Variants in CUX1 observed in about 807,000 individuals in gnomAD.
The protein encoded by CUX1 is cut like homeobox 1.
In CUX1, 31 loss-of-function variants were observed where a neutral mutation model predicts 158.8. The ratio of observed to expected loss-of-function variants is 0.20; its 90% CI spans 0.15 to 0.26. The LOEUF (loss-of-function observed/expected upper bound fraction) is 0.26. CUX1 is among the 10% of genes least tolerant of loss of function. The pLI is 1.00. For synonymous variants in CUX1, 879 were observed against 862.1 expected, an observed-to-expected ratio of 1.02 and a Z score of -0.34; for missense variants, 1,589 against 2,014.6, an observed-to-expected ratio of 0.79 and a Z score of 4.04.
In CUX1 at chr7:102,249,231, C is replaced by G; in HGVS notation, c.*189C>G. 9.2e-7 allele frequency: 1 copy of G among 1,092,760 alleles called. No individual in the cohort carries two copies. Among genetic ancestry groups the G allele is most frequent in the Non-Finnish European group, 1.1e-6 (1 of 898,104 alleles). The allele number at this position is 1,092,760 out of a possible 1,614,324, so 67.7% of individuals were successfully genotyped here. ...GCCTGCACCGACCCGAGGCCCAGAT[C>G]CAAGGCCGCGGCCCAGACCCACTCT... On this transcript the variant is annotated 3_prime_UTR_variant, in exon 24 of 24. Coordinates refer to ENST00000292535, the MANE Select transcript of CUX1 (RefSeq NM_181552.4).
intron 3 of CUX1, among the ~76,000 whole-genome samples, chr7:102,042,809 A>G (rs1822274243): frequency 6.6e-6 from 1 of 152,112 alleles, no homozygotes; most frequent in African/African-American, 2.4e-5. Context: ...TTATTTTTTG[A>G]GACAGGATCT....
intron 6 of CUX1, among the ~76,000 whole-genome samples, chr7:102,109,783 C>CA (rs574010132): frequency 0.012 from 1,479 of 121,304 alleles, 27 homozygotes; most frequent in African/African-American, 0.038. Flanking sequence ...ACCCTGTCTC[C>CA]AAAAAAAAAA....
intron 1 of CUX1, among the ~76,000 whole-genome samples, chr7:101,865,005 C>CT (rs774436894): frequency 6.6e-6 from 1 of 152,116 alleles, no homozygotes. Flanking sequence ...TGATGTATAT[C>CT]TTTTTTTTAA....
chr7:102,225,808 G>A (rs1798289349), intron 20 of CUX1, among the ~76,000 whole-genome samples: 3 of 152,248 alleles, frequency 2.0e-5, no homozygotes, highest in Admixed American at 1.3e-4. Flanking sequence ...GGGCAACCTA[G>A]CAAGACCCCA....
chr7:101,899,233 C>T (rs1460157239), intron 1 of CUX1, among the ~76,000 whole-genome samples: 3 of 152,192 alleles, frequency 2.0e-5, no homozygotes, highest in African/African-American at 7.2e-5. Context: ...TCACAATCCC[C>T]TCCCTGCCAG....
chr7:102,129,554 G>A (rs1832999295), intron 8 of CUX1, among the ~76,000 whole-genome samples: 7 of 151,958 alleles, frequency 4.6e-5, no homozygotes. Flanking sequence ...CGTGGTAGTG[G>A]GTGCCTGTAA....
intron 20 of CUX1, among the ~76,000 whole-genome samples, chr7:102,207,203 G>A (rs1268905780): frequency 1.3e-5 from 2 of 152,176 alleles, no homozygotes; most frequent in Non-Finnish European, 2.9e-5. Flanking sequence ...ATTGGAAGCA[G>A]GAGAGAGAAA....
At position 101,939,285 on chromosome 7, in the gene CUX1, C is replaced by T. The variant is rs1447864965; in HGVS notation, c.141+23060C>T. ...TGCAGTCTTCGAGTCTGGCTTCTTTCACTTAGCGCAGTGGATTTGCAGTTC... is the reference window on the plus strand; with the variant it reads ...TGCAGTCTTCGAGTCTGGCTTCTTTTACTTAGCGCAGTGGATTTGCAGTTC... On this transcript the variant is annotated intron_variant, in intron 2 of 23. Coordinates refer to ENST00000292535, the MANE Select transcript of CUX1 (RefSeq NM_181552.4). Among the ~76,000 whole-genome samples, 36 of 151,670 alleles carry T rather than the reference C, an allele frequency of 2.4e-4. 1 individual carries two copies. Among genetic ancestry groups the T allele is most frequent in the Admixed American group, 2.4e-3 (36 of 15,194 alleles).
intron 2 of CUX1, among the ~76,000 whole-genome samples, chr7:101,924,705 A>G (rs1805373194): frequency 6.6e-6 from 1 of 151,644 alleles, no homozygotes; most frequent in African/African-American, 2.4e-5. Flanking sequence ...AGCTGGGACT[A>G]CAGGCGTGCA....
Position 101,916,084 on chromosome 7 carries a change from T to C in CUX1, c.31-31T>C, listed in dbSNP as rs767411466. 5 of 1,492,904 alleles carry C rather than the reference T, an allele frequency of 3.3e-6. No homozygotes were observed. The highest frequency in any genetic ancestry group is 4.7e-6 in the Non-Finnish European group (5 of 1,070,228). The allele number at this position is 1,492,904 out of a possible 1,614,324, so 92.5% of individuals were successfully genotyped here. ...CCTCTAGTACACAGTGCAATTACAA[T>C]CTCACTTTTCCTTTCCTGTTTCCCC... is the stretch of plus-strand genomic sequence containing the variant. On this transcript the variant is annotated intron_variant, in intron 1 of 23. Transcript: ENST00000292535. This position sits in a 1 kb window ranked among gnomAD's most constrained non-coding sequence, Gnocchi z 4.4.
At chr7:101,960,713 A>G (rs1198127543) in intron 2 of CUX1, 1 of 152,242 alleles carries the variant, frequency 6.6e-6, no homozygotes, top group Non-Finnish European at 1.5e-5. Context: ...GGTCATGCAA[A>G]GATAATTCAG....
At chr7:102,106,147 T>TCGCA (rs1830331366) in intron 6 of CUX1, among the ~76,000 whole-genome samples, 1 of 139,258 alleles carries the variant, frequency 7.2e-6, no homozygotes, top group Non-Finnish European at 1.5e-5. Context: ...GAGTGCAGTG[T>TCGCA]CGCAATCTTG....
At chr7:102,132,951 G>A (rs1464126146) in intron 8 of CUX1, among the ~76,000 whole-genome samples, 2 of 152,048 alleles carry the variant, frequency 1.3e-5, no homozygotes, top group Admixed American at 6.6e-5. Flanking sequence ...GATTACAGGC[G>A]TGAGCCACCG....
intron 2 of CUX1, among the ~76,000 whole-genome samples, chr7:101,920,271 G>A (rs995388310): frequency 1.3e-5 from 2 of 151,888 alleles, no homozygotes; most frequent in African/African-American, 2.4e-5. Flanking sequence ...ACAGGCATGC[G>A]CCACCACACC....
downstream of CUX1, among the ~76,000 whole-genome samples, chr7:102,258,979 C>T (rs901914774): frequency 2.6e-5 from 4 of 152,178 alleles, no homozygotes; most frequent in African/African-American, 4.8e-5. Flanking sequence ...GGCTGTTGCT[C>T]GTCTTGGGTT....
intron 9 of CUX1, among the ~76,000 whole-genome samples, chr7:102,163,245 A>T (rs982854132): frequency 1.3e-5 from 2 of 152,030 alleles, no homozygotes; most frequent in Admixed American, 6.6e-5. Context: ...CGGCAGTTGG[A>T]GAGGCCGAGG....
upstream of CUX1, chr7:101,817,486 TC>T: frequency 9.1e-7 from 1 of 1,102,092 alleles, no homozygotes; most frequent in Non-Finnish European, 1.1e-6. The surrounding 1 kb of genome is among the most constrained non-coding windows in gnomAD (Gnocchi z 4.1). Flanking sequence ...GTGCCGGGGC[TC>T]CCCGGCCCGC....
At chr7:102,127,308 G>C (rs782221227) in intron 8 of CUX1, among the ~76,000 whole-genome samples, 1 of 152,174 alleles carries the variant, frequency 6.6e-6, no homozygotes, top group Non-Finnish European at 1.5e-5. Context: ...CTGGGCTTGA[G>C]CGATCCTCCC....
At chr7:102,050,239 C>G (rs1823323344) in intron 3 of CUX1, among the ~76,000 whole-genome samples, 1 of 152,200 alleles carries the variant, frequency 6.6e-6, no homozygotes, top group Non-Finnish European at 1.5e-5. Context: ...ATCCATATAA[C>G]AGGAAATCTC....
Sources: gnomAD v4.1 joint callset for allele counts (sites outside exome capture counted in the v4.1 genomes callset) on GRCh38, gnomAD v4.1.1 for gene constraint, Gnocchi (gnomAD v3.1) non-coding constraint, MANE v1.5 for transcripts, NCBI Gene and HGNC (gene_info 2026-07-23, HGNC 2026-07-21) for gene names.